WHRN: variants seen among roughly 807,000 people sequenced by gnomAD.
WHRN encodes the protein CASK-interacting protein CIP98.
WHRN carries 41 observed loss-of-function variants against 68.3 expected under a neutral mutation model. The ratio of observed to expected loss-of-function variants is 0.60; its 90% confidence interval spans 0.47 to 0.78. The LOEUF (loss-of-function observed/expected upper bound fraction) is 0.78, where lower values mean the gene tolerates loss of function less well. WHRN is among the 30% of genes least tolerant of loss of function. WHRN has a pLI of 0.00. For missense variants in WHRN, 1,243 were observed against 1,244.7 expected (o/e 1.00, Z 0.02); for synonymous variants, 560 against 561.3 (o/e 1.00, Z 0.03).
intron 1 of WHRN, among the ~76,000 whole-genome samples, chr9:114,491,088 T>C (rs1589257641): frequency 6.6e-6 from 1 of 152,200 alleles, no homozygotes; most frequent in Admixed American, 6.5e-5. Context: ...AATGGCACAT[T>C]TTGTTGTCTG....
chr9:114,490,957 T>A (rs1435138601), intron 1 of WHRN, among the ~76,000 whole-genome samples: 1 of 152,254 alleles, frequency 6.6e-6, no homozygotes, highest in Non-Finnish European at 1.5e-5. Context: ...ATAATTTAAG[T>A]AAATTGCTTT....
At chr9:114,441,494 G>A (rs1054335978) in intron 3 of WHRN, among the ~76,000 whole-genome samples, 10 of 152,196 alleles carry the variant, frequency 6.6e-5, no homozygotes, top group Non-Finnish European at 1.5e-4. Flanking sequence ...TCATGGCCTA[G>A]TGGAGAATGG....
At chr9:114,486,154 G>A (rs1356696872) in intron 1 of WHRN, among the ~76,000 whole-genome samples, 1 of 152,126 alleles carries the variant, frequency 6.6e-6, no homozygotes, top group Non-Finnish European at 1.5e-5. Context: ...CCAAACAGAG[G>A]TCCCAGAAAT....
chr9:114,441,515 G>A (rs1029202560), intron 3 of WHRN, among the ~76,000 whole-genome samples: 1 of 152,176 alleles, frequency 6.6e-6, no homozygotes, highest in African/African-American at 2.4e-5. Context: ...CTGGTTCCAA[G>A]GCTGGGCAGG....
chr9:114,429,243 A>G (rs577569321), intron 3 of WHRN, among the ~76,000 whole-genome samples: 2 of 152,290 alleles, frequency 1.3e-5, no homozygotes, highest in South Asian at 4.1e-4. Flanking sequence ...TGTCAGATTA[A>G]TTTCATCAAC....
At chr9:114,477,591 G>C (rs2133116044) in intron 2 of WHRN, among the ~76,000 whole-genome samples, 1 of 152,188 alleles carries the variant, frequency 6.6e-6, no homozygotes, top group South Asian at 2.1e-4. Context: ...TGGTGGTCTT[G>C]TCAATCAAAG....
At position 114,402,522 on chromosome 9, in the gene WHRN, G is replaced by A; in HGVS notation, c.*232C>T. The stretch of plus-strand genomic sequence containing the variant: ...CTGTCTTGCAACCCACTTGTCCTGG[G>A]CGCCTACTGTGTACCCAGTACAGCA... On this transcript the variant is annotated 3_prime_UTR_variant, in exon 12 of 12. Transcript: ENST00000362057. 1.7e-6 allele frequency: 1 copy of A among 591,274 alleles called. No individual in the cohort carries two copies. Among genetic ancestry groups the A allele is most frequent in the Non-Finnish European group, 3.0e-6 (1 of 332,016 alleles). The allele number at this position is 591,274 out of a possible 1,614,324, so 36.6% of individuals were successfully genotyped here.
chr9:114,426,405 G>T lies in WHRN; in HGVS notation c.972C>A (p.Asp324Glu). 6.2e-7 allele frequency: 1 copy of T among 1,613,472 alleles called. No homozygotes were observed. Among genetic ancestry groups the T allele is most frequent in the Non-Finnish European group, 8.5e-7 (1 of 1,179,934 alleles). ...EAEGSGLKVG[D>E]QILEVNGRSF... is the part of the protein sequence containing the mutation. ...TCCGCCCATTCACTTCTAGAATCTG[G>T]TCCCCAACCTGCCAAGATCACCACA... Residue 324 changes from aspartate (D) to glutamate (E), a missense_variant, in exon 4 of 12, where the codon GAC (aspartate) becomes GAA (glutamate). Coordinates refer to ENST00000362057, the MANE Select transcript of WHRN (RefSeq NM_015404.4).
rs12353479 is a variant in WHRN at position 114,452,049 on chromosome 9, A to G, written c.963+14218T>C. Among the ~76,000 whole-genome samples, 1,486 of 152,332 alleles carry G rather than the reference A, an allele frequency of 9.8e-3. 20 individuals carry two copies. The highest frequency in any genetic ancestry group is 0.044 in the Middle Eastern group (13 of 294). On this transcript the variant is annotated intron_variant, in intron 3 of 11. Transcript: ENST00000362057. ...CTGTTGTTATTCCTGCATGTTAGAA[A>G]TAACTAGAAGACTGCTCACCCTAAT...
chr9:114,501,205 A>C (rs1278983065), intron 1 of WHRN, among the ~76,000 whole-genome samples: 1 of 152,102 alleles, frequency 6.6e-6, no homozygotes, highest in Non-Finnish European at 1.5e-5. Context: ...TTGGCTAAAA[A>C]CCTTTGAAAG....
At chr9:114,409,797 C>T (rs1008728267) in intron 7 of WHRN, among the ~76,000 whole-genome samples, 6 of 151,906 alleles carry the variant, frequency 3.9e-5, no homozygotes, top group African/African-American at 1.5e-4. Context: ...CCCTCACCAC[C>T]TCAGCTAAAA....
At chr9:114,416,034 T>C (rs1217946300) in intron 7 of WHRN, among the ~76,000 whole-genome samples, 1 of 152,182 alleles carries the variant, frequency 6.6e-6, no homozygotes, top group Non-Finnish European at 1.5e-5. Flanking sequence ...AGGAGGCCAA[T>C]GCAGAGAAGC....
Position 114,424,415 on chromosome 9 carries a change from G to A in WHRN, c.1335C>T (p.Tyr445=). Reference sequence around the variant, plus strand: ...CGCTGCCACCACGGTACTCATCCAGGTAGTAGGCCATGGTGGCGTGTTCCT... The same window carrying A: ...CGCTGCCACCACGGTACTCATCCAGATAGTAGGCCATGGTGGCGTGTTCCT... ...NEQEHATMAY[Y]LDEYRGGSVS... is the part of the protein sequence containing the mutation. The change falls in exon 6 of 12, where the codon TAC becomes TAT. Residue 445 remains tyrosine, a synonymous_variant. Coordinates refer to ENST00000362057, the MANE Select transcript of WHRN (RefSeq NM_015404.4). 6.2e-7 allele frequency: 1 copy of A among 1,613,270 alleles called. No homozygotes were observed. The highest frequency in any genetic ancestry group is 2.2e-5 in the East Asian group (1 of 44,870).
intron 1 of WHRN, among the ~76,000 whole-genome samples, chr9:114,490,880 A>G (rs1377343685): frequency 6.6e-6 from 1 of 152,278 alleles, no homozygotes; most frequent in Non-Finnish European, 1.5e-5. Flanking sequence ...AACAGATTCC[A>G]GAAAGATATT....
At chr9:114,495,041 A>G (rs1843334354) in intron 1 of WHRN, among the ~76,000 whole-genome samples, 1 of 152,216 alleles carries the variant, frequency 6.6e-6, no homozygotes. Context: ...ACCTAACAGG[A>G]TAAGTGGTGT....
intron 3 of WHRN, among the ~76,000 whole-genome samples, chr9:114,462,666 A>C (rs1235360374): frequency 6.6e-6 from 1 of 152,232 alleles, no homozygotes; most frequent in Non-Finnish European, 1.5e-5. Context: ...ATAGTAGTTA[A>C]GAACGTGGAC....
chr9:114,429,670 G>A (rs1211943358), intron 3 of WHRN, among the ~76,000 whole-genome samples: 2 of 152,172 alleles, frequency 1.3e-5, no homozygotes, highest in South Asian at 2.1e-4. Context: ...CACCTGGCTC[G>A]GGGCTTGGTA....
intron 3 of WHRN, among the ~76,000 whole-genome samples, chr9:114,463,913 G>A (rs560849672): frequency 6.6e-6 from 1 of 152,268 alleles, no homozygotes; most frequent in Admixed American, 6.5e-5. Context: ...ATTCCTGGAT[G>A]GGAATCCTGG....
chr9:114,500,228 C>A (rs1030548304), intron 1 of WHRN, among the ~76,000 whole-genome samples: 1 of 152,088 alleles, frequency 6.6e-6, no homozygotes, highest in Non-Finnish European at 1.5e-5. Context: ...CTCACAGGAC[C>A]CAAGAGTGAA....
Sources: allele counts gnomAD v4.1 joint callset (sites outside exome capture counted in the v4.1 genomes callset), GRCh38; gene constraint gnomAD v4.1.1; transcripts MANE v1.5; gene names NCBI Gene and HGNC (gene_info 2026-07-23, HGNC 2026-07-21).